ABCA2: variants seen among roughly 807,000 people sequenced by gnomAD.
ABCA2 encodes ATP binding cassette subfamily A member 2.
Under a neutral mutation model 262.8 loss-of-function variants are expected in ABCA2, and 84 were observed. That is an observed-to-expected ratio of 0.32 (90% CI 0.27 to 0.38). The LOEUF (loss-of-function observed/expected upper bound fraction) is 0.38. Ranked by LOEUF, ABCA2 falls within the 10% of genes least tolerant of loss-of-function variation. ABCA2 has a pLI of 1.00. For synonymous variants in ABCA2, 1,696 were observed against 1,502.9 expected, an observed-to-expected ratio of 1.13 and a Z score of -2.97; for missense variants, 2,662 against 3,405.9, an observed-to-expected ratio of 0.78 and a Z score of 5.44.
chr9:137,023,585 G>C, intron 3 of ABCA2: 1 of 743,302 alleles, frequency 1.3e-6, no homozygotes, highest in Non-Finnish European at 2.5e-6. Flanking sequence ...TAGAAGGCAA[G>C]GCCAGGCAGA....
chr9:137,020,682 C>T lies in ABCA2; in HGVS notation c.1265+12G>A. 3.1e-6 allele frequency: 5 copies of T among 1,597,876 alleles called. No homozygotes were observed. In the South Asian group the frequency reaches 4.4e-5, roughly 14 times the overall value. Reference sequence around the variant, plus strand: ...TGTCCTCCTCACCCCCATTCCCCTGCCGCCCACCTACCGGTTGTTGCCACA... The same window carrying T: ...TGTCCTCCTCACCCCCATTCCCCTGTCGCCCACCTACCGGTTGTTGCCACA... On this transcript the variant is annotated intron_variant, in intron 9 of 48. Transcript: ENST00000341511.
chr9:137,023,179 G>A (rs897475602), intron 3 of ABCA2, 127 bp from the exon 4 acceptor site: 8 of 787,346 alleles, frequency 1.0e-5, no homozygotes, highest in South Asian at 1.7e-5. Flanking sequence ...GAGAAGCAGC[G>A]TTAGGGAGAA....
chr9:137,017,384 G>T, intron 17 of ABCA2, 38 bp from the exon 18 acceptor site: 1 of 1,609,088 alleles, frequency 6.2e-7, no homozygotes, highest in Non-Finnish European at 8.5e-7. Context: ...TCATCCACCC[G>T]CACGCCCGGC....
intron 9 of ABCA2, 69 bp from the exon 10 acceptor site, chr9:137,020,564 G>A (rs1588523698): frequency 6.5e-6 from 10 of 1,543,586 alleles, no homozygotes; most frequent in East Asian, 4.5e-5. Flanking sequence ...GAGGGGCATC[G>A]GGATGGGGCA....
chr9:137,020,993 C>A lies in ABCA2; in HGVS notation c.966G>T (p.Ala322=). Residue 322 remains alanine, a synonymous_variant, in exon 9 of 49, where the codon GCG becomes GCT. Coordinates refer to ENST00000341511, the MANE Select transcript of ABCA2 (RefSeq NM_001606.5). ...PQAPPPRRLQ[A]LLGDLLDAQK... ...GGGCATCCAGCAGGTCCCCCAGAAGCGCCTGCAGCCTCCGTGGGGGTGGCG... is the reference window on the plus strand; with the variant it reads ...GGGCATCCAGCAGGTCCCCCAGAAGAGCCTGCAGCCTCCGTGGGGGTGGCG... 3 of 1,512,162 alleles carry A rather than the reference C, an allele frequency of 2.0e-6. No individual in the cohort carries two copies. Among genetic ancestry groups the A allele is most frequent in the South Asian group, 1.3e-5 (1 of 78,638 alleles). 93.7% of individuals were successfully genotyped at this position (1,512,162 alleles called of 1,614,324 possible). A position where few individuals can be genotyped will look rare whatever the true frequency, so the allele number is the denominator to read the frequency against.
In ABCA2 at chr9:137,021,913, C is replaced by T. The variant is rs760593275; in HGVS notation, c.656G>A (p.Gly219Asp). The change falls in exon 7 of 49, where the codon GGC becomes GAC. Residue 219 changes from glycine (G) to aspartate (D), a missense_variant. Transcript: ENST00000341511. The surrounding 1 kb of genome is among the most constrained non-coding windows in gnomAD (Gnocchi z 6.0). The stretch of plus-strand genomic sequence containing the variant: ...CACCTCCATCCGGAACAGGGGATTG[C>T]CCCCTAGGCGGCTCCAGGGCTCCTG... ...KGQEPWSRLG[G>D]NPLFRMEELL... The T allele has an allele frequency of 6.9e-6, 11 of 1,600,676 alleles. No homozygotes were observed. Among genetic ancestry groups the T allele is most frequent in the South Asian group, 4.5e-5 (4 of 88,736 alleles).
chr9:137,021,108 A>G lies in ABCA2; in HGVS notation c.898-47T>C. ...GGCAGTGCGGGGTGAGATGGACTGC[A>G]GGTGGGTGATAGGTCAGGAGTGGAG... On this transcript the variant is annotated intron_variant, in intron 8 of 48. Transcript: ENST00000341511. The surrounding 1 kb of genome is among the most constrained non-coding windows in gnomAD (Gnocchi z 6.0). 1 of 1,448,136 alleles carries G rather than the reference A, an allele frequency of 6.9e-7. No homozygotes were observed. Among genetic ancestry groups the G allele is most frequent in the Non-Finnish European group, 9.1e-7 (1 of 1,102,566 alleles). The allele number at this position is 1,448,136 out of a possible 1,614,324, so 89.7% of individuals were successfully genotyped here. A position where few individuals can be genotyped will look rare whatever the true frequency, so the allele number is the denominator to read the frequency against.
intron 43 of ABCA2, 48 bp downstream of exon 43, chr9:137,009,721 C>T (rs1564211202): frequency 6.2e-7 from 1 of 1,609,342 alleles, no homozygotes; most frequent in Admixed American, 1.7e-5. Context: ...CCGTGCTCAC[C>T]AGGAAGTCAA....
Position 137,021,876 on chromosome 9 carries a change from C to A in ABCA2, c.678+15G>T, listed in dbSNP as rs773852659. Reference sequence around the variant, plus strand: ...GGCAGCACTCCAGGCCCATCCCACACATGGATGCCCTCACCTCCATCCGGA... The same window carrying A: ...GGCAGCACTCCAGGCCCATCCCACAAATGGATGCCCTCACCTCCATCCGGA... On this transcript the variant is annotated intron_variant, in intron 7 of 48. Transcript: ENST00000341511. The surrounding 1 kb of genome is among the most constrained non-coding windows in gnomAD (Gnocchi z 6.0). 2 of 1,575,316 alleles carry A rather than the reference C, an allele frequency of 1.3e-6. No homozygotes were observed. The highest frequency in any genetic ancestry group is 1.7e-4 in the Middle Eastern group (1 of 6,028).
rs551444612 is a variant in ABCA2 at position 137,022,743 on chromosome 9, G to A, written c.398C>T (p.Ala133Val). Residue 133 changes from alanine (A) to valine (V), a missense_variant, in exon 5 of 49, where the codon GCG becomes GTG. Physicochemically the swap from Ala to Val is moderately conservative, Grantham distance 64 (BLOSUM62 0). Around this residue, in one of 12 missense-constraint regions of ABCA2, gnomAD observed 403 missense variants for 375.9 expected, o/e 1.07. Transcript: ENST00000341511. Reference protein sequence around the residue: ...ALRQHLEALSAGPGTSGSHLD... With the variant: ...ALRQHLEALSVGPGTSGSHLD... ...GTGGCTCCCCGAGGTGCCCGGGCCC[G>A]CACTGAGGGCCTCCAGATGCTGGCG... 4,612 of 1,604,856 alleles carry A rather than the reference G, an allele frequency of 2.9e-3. 180 individuals carry two copies. The South Asian group carries it at 0.049, about 17-fold the overall frequency.
At chr9:137,023,961 C>G (rs1831565921) in intron 2 of ABCA2, 121 bp from the exon 3 acceptor site, 3 of 1,518,462 alleles carry the variant, frequency 2.0e-6, no homozygotes, top group Admixed American at 2.0e-5. Flanking sequence ...TTCGCGGCCA[C>G]AGGCCAGCCC....
intron 3 of ABCA2, chr9:137,023,357 C>G (rs1831544406): frequency 1.4e-6 from 1 of 692,772 alleles, no homozygotes; most frequent in Admixed American, 2.0e-5. Flanking sequence ...GCACTCTCCC[C>G]CCGAAAACGT....
intron 19 of ABCA2, 64 bp from the exon 20 acceptor site, chr9:137,016,802 C>G: frequency 6.5e-7 from 1 of 1,538,144 alleles, no homozygotes; most frequent in Non-Finnish European, 8.8e-7. Context: ...ACCACGTGGG[C>G]CACGTGCCCA....
At chr9:137,010,949 C>T (rs1293564633) in intron 39 of ABCA2, 24 bp downstream of exon 39, 34 of 855,418 alleles carry the variant, frequency 4.0e-5, no homozygotes, top group African/African-American at 7.4e-5. Flanking sequence ...GCCCCGCCCC[C>T]GCCCCACCCC....
In ABCA2 at chr9:137,013,579, G is replaced by C. The variant is rs1445076911; in HGVS notation, c.4448-16C>G. On this transcript the variant is annotated splice_polypyrimidine_tract_variant and intron_variant, in intron 28 of 48. Coordinates refer to ENST00000341511, the MANE Select transcript of ABCA2 (RefSeq NM_001606.5). ...GGCAGATCACCTGGCAGGGCGAGCAGGGAGGCCTGAGCAGGTTCTGCCCTC... is the reference window on the plus strand; with the variant it reads ...GGCAGATCACCTGGCAGGGCGAGCACGGAGGCCTGAGCAGGTTCTGCCCTC... 1 of 1,598,206 alleles carries C rather than the reference G, an allele frequency of 6.3e-7. No homozygotes were observed. Among genetic ancestry groups the C allele is most frequent in the South Asian group, 1.1e-5 (1 of 88,544 alleles).
At position 137,019,327 on chromosome 9, in the gene ABCA2, G is replaced by T. The variant is rs1375768743; in HGVS notation, c.1426-21C>A. ...TTGGCCTGCAGGGGGTGAGGCAGGG[G>T]CATGGAGTTTCTGGACGGACCCCCA... On this transcript the variant is annotated intron_variant, in intron 10 of 48. Transcript: ENST00000341511. The surrounding 1 kb of genome is among the most constrained non-coding windows in gnomAD (Gnocchi z 4.4). 3.7e-6 allele frequency: 6 copies of T among 1,611,032 alleles called. No individual in the cohort carries two copies. Among genetic ancestry groups the T allele is most frequent in the African/African-American group, 1.3e-5 (1 of 74,846 alleles).
In ABCA2 at chr9:137,016,627, CG is replaced by C; in HGVS notation, c.2869del (p.Arg957AlafsTer52). 1.2e-6 allele frequency: 2 copies of C among 1,611,240 alleles called. No individual in the cohort carries two copies. ...EWSWPWARTP[R>X]LSVMEEDQAC... ...CTGGTCCTCCTCCATGACACTGAGG[CG>C]GGGGGTGCGTGCCCACGGCCAGCTC... On this transcript the variant is annotated frameshift_variant, in exon 20 of 49. Coordinates refer to ENST00000341511, the MANE Select transcript of ABCA2 (RefSeq NM_001606.5). LOFTEE classifies it high-confidence loss of function.
intron 42 of ABCA2, 26 bp from the exon 43 acceptor site, chr9:137,009,929 G>A (rs1391544871): frequency 6.2e-7 from 1 of 1,600,904 alleles, no homozygotes; most frequent in South Asian, 1.1e-5. Flanking sequence ...AGGTGTCAGT[G>A]GAGGCAGGGC....
chr9:137,016,871 T>A, intron 19 of ABCA2, 49 bp downstream of exon 19: 1 of 1,594,588 alleles, frequency 6.3e-7, no homozygotes, highest in Non-Finnish European at 8.6e-7. Context: ...TCCCCAACCC[T>A]GGCTGGGGAC....
Sources: gnomAD v4.1 joint callset for allele counts on GRCh38, gnomAD v4.1.1 for gene constraint, gnomAD v4.1.1 regional missense constraint, Gnocchi (gnomAD v3.1) non-coding constraint, MANE v1.5 for transcripts, NCBI Gene and HGNC (gene_info 2026-07-23, HGNC 2026-07-21) for gene names.